SYNE1: variants seen among roughly 807,000 people sequenced by gnomAD.
SYNE1 encodes the protein spectrin repeat containing nuclear envelope protein 1.
Under a neutral mutation model 1,111.0 loss-of-function variants are expected in SYNE1, and 616 were observed. The ratio of observed to expected loss-of-function variants is 0.55; its 90% CI spans 0.52 to 0.59. The LOEUF is 0.59. SYNE1 is among the 20% of genes least tolerant of loss of function. SYNE1 has a pLI of 0.00. For synonymous variants in SYNE1, 3,855 were observed against 3,825.8 expected (o/e 1.01, Z -0.28); for missense variants, 10,006 against 10,417.0 (o/e 0.96, Z 1.72).
intron 4 of SYNE1, among the ~76,000 whole-genome samples, chr6:152,530,623 A>AC (rs1554857917): frequency 1.4e-5 from 2 of 141,990 alleles, no homozygotes; most frequent in African/African-American, 5.3e-5. Context: ...GTGTGATGAA[A>AC]TTTTTTTTTT....
intron 70 of SYNE1, among the ~76,000 whole-genome samples, chr6:152,350,988 T>C (rs2096732186): frequency 6.6e-6 from 1 of 152,206 alleles, no homozygotes; most frequent in Non-Finnish European, 1.5e-5. Context: ...GCCCTTCCTA[T>C]GTGGAGATAA....
intron 130 of SYNE1, among the ~76,000 whole-genome samples, chr6:152,172,738 T>C (rs1432821070): frequency 6.6e-6 from 1 of 152,170 alleles, no homozygotes; most frequent in African/African-American, 2.4e-5. Flanking sequence ...GCGTCACCAA[T>C]GACAGCTTCT....
At chr6:152,375,528 C>T (rs2097264537) in intron 58 of SYNE1, among the ~76,000 whole-genome samples, 1 of 152,062 alleles carries the variant, frequency 6.6e-6, no homozygotes, top group South Asian at 2.1e-4. Flanking sequence ...TTAAAAAGTG[C>T]TGCTATTGAA....
At chr6:152,602,931 T>C (rs2099599583) in intron 3 of SYNE1, among the ~76,000 whole-genome samples, 1 of 152,110 alleles carries the variant, frequency 6.6e-6, no homozygotes, top group African/African-American at 2.4e-5. Context: ...GAGGTGCCCC[T>C]TTTGTGGCAT....
chr6:152,517,584 T>C (rs1055501059), intron 6 of SYNE1, among the ~76,000 whole-genome samples: 1 of 152,224 alleles, frequency 6.6e-6, no homozygotes, highest in Non-Finnish European at 1.5e-5. Context: ...AACAACCCAA[T>C]TCCCATTCAT....
At chr6:152,573,219 A>G (rs563606890) in intron 3 of SYNE1, among the ~76,000 whole-genome samples, 38 of 151,862 alleles carry the variant, frequency 2.5e-4, no homozygotes, top group Non-Finnish European at 5.6e-4. Context: ...TTTAGGGTAC[A>G]TGTGCACAAC....
chr6:152,383,279 C>G (rs1237076526), intron 55 of SYNE1, among the ~76,000 whole-genome samples: 2 of 152,210 alleles, frequency 1.3e-5, no homozygotes, highest in African/African-American at 4.8e-5. Flanking sequence ...CAGGAAGCAG[C>G]CTTTGTGAAA....
chr6:152,296,942 T>C (rs989507597), intron 93 of SYNE1, among the ~76,000 whole-genome samples: 1 of 151,684 alleles, frequency 6.6e-6, no homozygotes, highest in African/African-American at 2.4e-5. Context: ...TGAGACTGTG[T>C]AACTTCTGTT....
intron 123 of SYNE1, among the ~76,000 whole-genome samples, chr6:152,212,601 G>A (rs976541916): frequency 6.6e-6 from 1 of 152,122 alleles, no homozygotes; most frequent in African/African-American, 2.4e-5. Context: ...ACTTACACAA[G>A]TTTTTGTGTG....
chr6:152,499,881 G>T (rs555048553), intron 10 of SYNE1, among the ~76,000 whole-genome samples: 2 of 152,284 alleles, frequency 1.3e-5, no homozygotes, highest in East Asian at 3.9e-4. Context: ...TTTTCTGGAT[G>T]ATTAAAGTAA....
chr6:152,343,204 G>A (rs375444146), intron 74 of SYNE1, among the ~76,000 whole-genome samples: 9 of 148,802 alleles, frequency 6.0e-5, no homozygotes, highest in East Asian at 5.9e-4. Context: ...CCAGGCTGGA[G>A]TGCAGTGGCG....
At chr6:152,322,056 C>T (rs1330563921) in intron 82 of SYNE1, among the ~76,000 whole-genome samples, 170 bp from the exon 83 acceptor site, 2 of 152,172 alleles carry the variant, frequency 1.3e-5, no homozygotes, top group South Asian at 4.1e-4. Flanking sequence ...GTATAAATGT[C>T]ATATAAAGTA....
At chr6:152,426,966 G>C (rs2098367707) in intron 38 of SYNE1, among the ~76,000 whole-genome samples, 1 of 152,242 alleles carries the variant, frequency 6.6e-6, no homozygotes, top group Non-Finnish European at 1.5e-5. Context: ...GTTGATGGGA[G>C]AAAGTTGGAG....
chr6:152,221,180 A>T, intron 118 of SYNE1, 134 bp from the exon 119 acceptor site: 1 of 1,138,954 alleles, frequency 8.8e-7, no homozygotes, highest in Non-Finnish European at 1.3e-6. Context: ...AATAAAAATT[A>T]ATGTTTCATA....
chr6:152,202,026 CT>C (rs2075573565), intron 126 of SYNE1, 77 bp from the exon 127 acceptor site: 8 of 1,533,478 alleles, frequency 5.2e-6, no homozygotes, highest in Non-Finnish European at 7.1e-6. Flanking sequence ...AAGAAACACT[CT>C]TCTTCATTCC....
chr6:152,225,417 G>T (rs1332435879), intron 116 of SYNE1, among the ~76,000 whole-genome samples: 1 of 151,960 alleles, frequency 6.6e-6, no homozygotes, highest in Non-Finnish European at 1.5e-5. Flanking sequence ...GCATCACTTA[G>T]ATACAGATAT....
At chr6:152,586,417 A>G (rs1436311143) in intron 3 of SYNE1, among the ~76,000 whole-genome samples, 1 of 152,160 alleles carries the variant, frequency 6.6e-6, no homozygotes, top group East Asian at 1.9e-4. Context: ...CGCATTTGAT[A>G]TCTTCCACCT....
chr6:152,480,920 G>C (rs2098890510), intron 14 of SYNE1: 2 of 405,170 alleles, frequency 4.9e-6, no homozygotes, highest in African/African-American at 2.1e-5. Context: ...TTGGCAGAGA[G>C]ATTGTTCTAG....
intron 76 of SYNE1, chr6:152,335,596 A>G (rs2096369185): frequency 6.6e-6 from 1 of 152,164 alleles, no homozygotes; most frequent in African/African-American, 2.4e-5. Flanking sequence ...TAGACAATAT[A>G]TTATTATTGA....
Sources: gnomAD v4.1 joint callset for allele counts (sites outside exome capture counted in the v4.1 genomes callset) on GRCh38, gnomAD v4.1.1 for gene constraint, MANE v1.5 for transcripts, NCBI Gene and HGNC (gene_info 2026-07-23, HGNC 2026-07-21) for gene names.